The following TCF12 variants were observed in gnomAD, a reference collection of about 807,000 sequenced individuals.
TCF12 encodes the protein DNA-binding protein HTF4.
In TCF12, 45 loss-of-function variants were observed where a neutral mutation model predicts 86.0. The observed-to-expected ratio is 0.52, with a 90% CI of 0.41 to 0.67. The LOEUF is 0.67. Ranked by LOEUF, TCF12 falls within the 30% of genes least tolerant of loss-of-function variation. TCF12 has a pLI of 0.00. For synonymous variants in TCF12, 330 were observed against 299.6 expected, an observed-to-expected ratio of 1.10 and a Z score of -1.05; for missense variants, 881 against 859.9, an observed-to-expected ratio of 1.02 and a Z score of -0.31.
intron 5 of TCF12, among the ~76,000 whole-genome samples, chr15:57,136,527 G>A (rs562835322): frequency 1.2e-4 from 18 of 152,250 alleles, no homozygotes; most frequent in Admixed American, 9.1e-4. Flanking sequence ...TCCAAGGTAT[G>A]AAAAATAGCT....
intron 6 of TCF12, among the ~76,000 whole-genome samples, chr15:57,181,371 C>T (rs921045019): frequency 1.3e-5 from 2 of 152,090 alleles, no homozygotes; most frequent in Non-Finnish European, 2.9e-5. Context: ...ACTACAGGTG[C>T]ACATCACTGT....
intron 5 of TCF12, among the ~76,000 whole-genome samples, chr15:57,113,531 T>C (rs2050636687): frequency 6.6e-6 from 1 of 152,180 alleles, no homozygotes; most frequent in Non-Finnish European, 1.5e-5. Context: ...ACCTTTCTTT[T>C]GCTTCTTTTT....
intron 19 of TCF12, among the ~76,000 whole-genome samples, chr15:57,279,884 C>CTTT (rs34752903): frequency 0.038 from 3,744 of 98,004 alleles, 168 homozygotes; most frequent in East Asian, 0.23. Context: ...CACAGTCTCA[C>CTTT]TTTTTTTTTT....
At chr15:57,249,443 AT>A (rs2060008924) in intron 13 of TCF12, among the ~76,000 whole-genome samples, 1 of 151,900 alleles carries the variant, frequency 6.6e-6, no homozygotes, top group African/African-American at 2.4e-5. Flanking sequence ...TGAAGTGCAT[AT>A]TTTTTCTCAC....
chr15:57,112,490 A>G (rs181727736), intron 5 of TCF12, among the ~76,000 whole-genome samples: 1 of 152,298 alleles, frequency 6.6e-6, no homozygotes, highest in African/African-American at 2.4e-5. Flanking sequence ...CAAATGTTCA[A>G]GGAGAGGAGC....
intron 3 of TCF12, among the ~76,000 whole-genome samples, chr15:57,036,899 T>A (rs1372048742): frequency 1.3e-5 from 2 of 152,260 alleles, no homozygotes; most frequent in Admixed American, 6.5e-5. Flanking sequence ...GCAAATCCTA[T>A]ATTGTTTTCC....
intron 3 of TCF12, among the ~76,000 whole-genome samples, chr15:57,020,991 C>CT (rs1453128571): frequency 1.3e-5 from 2 of 152,034 alleles, no homozygotes; most frequent in Admixed American, 1.3e-4. Flanking sequence ...TTTTTTTAGA[C>CT]TTTATGTATG....
rs182917081 is a variant in TCF12 at position 57,086,587 on chromosome 15, T to C, written c.223-5202T>C. Among the ~76,000 whole-genome samples the C allele has an allele frequency of 2.2e-4, 33 of 151,998 alleles. No homozygotes were observed. The East Asian group carries it at 6.4e-3, about 29-fold the overall frequency. ...TTAATAAGTAGGAGCCGTGCAATGA[T>C]GGAGTGCTCACTGCTGTGGGAGCAC... On this transcript the variant is annotated intron_variant, in intron 4 of 20. Transcript: ENST00000333725.
intron 4 of TCF12, among the ~76,000 whole-genome samples, chr15:57,081,022 C>T (rs2070596184): frequency 1.3e-5 from 2 of 152,124 alleles, no homozygotes; most frequent in Admixed American, 1.3e-4. Flanking sequence ...GAGGTTTTTC[C>T]ATTTCCCATT....
chr15:57,175,318 G>A (rs924639152), intron 6 of TCF12, among the ~76,000 whole-genome samples: 10 of 152,070 alleles, frequency 6.6e-5, no homozygotes, highest in African/African-American at 2.4e-4. Flanking sequence ...TGATCATGCT[G>A]CTTCACTCCA....
At chr15:57,051,718 T>C (rs552606161) in intron 3 of TCF12, among the ~76,000 whole-genome samples, 20 of 152,336 alleles carry the variant, frequency 1.3e-4, no homozygotes, top group African/African-American at 4.8e-4. Flanking sequence ...CATTTAACCA[T>C]ATAGATTTGG....
At chr15:56,930,250 G>A (rs1378985124) in intron 3 of TCF12, among the ~76,000 whole-genome samples, 2 of 152,188 alleles carry the variant, frequency 1.3e-5, no homozygotes, top group Non-Finnish European at 2.9e-5. Flanking sequence ...GTTTTGAGGT[G>A]GTTGGGGATG....
At chr15:56,949,383 GT>G (rs1437676741) in intron 3 of TCF12, among the ~76,000 whole-genome samples, 1 of 152,152 alleles carries the variant, frequency 6.6e-6, no homozygotes, top group Non-Finnish European at 1.5e-5. Flanking sequence ...ACAGAGCATT[GT>G]TACACACATT....
intron 4 of TCF12, among the ~76,000 whole-genome samples, chr15:57,064,078 A>G (rs1194545073): frequency 1.3e-5 from 2 of 152,196 alleles, no homozygotes; most frequent in Non-Finnish European, 2.9e-5. Context: ...TAAAGAGCTT[A>G]GAATGCATAA....
At chr15:57,017,726 C>CTTTTTTT (rs34230192) in intron 3 of TCF12, among the ~76,000 whole-genome samples, 19 of 130,556 alleles carry the variant, frequency 1.5e-4, no homozygotes, top group Admixed American at 2.3e-4. Flanking sequence ...AATTTTCTTT[C>CTTTTTTT]TTTTTTTTTT....
chr15:57,084,839 A>T (rs7163267), intron 4 of TCF12, among the ~76,000 whole-genome samples: 2 of 151,924 alleles, frequency 1.3e-5, no homozygotes, highest in African/African-American at 4.8e-5. Context: ...TTGTACATTA[A>T]TGTGAATGTA....
intron 5 of TCF12, among the ~76,000 whole-genome samples, chr15:57,094,195 T>C (rs1302174146): frequency 6.6e-6 from 1 of 152,212 alleles, no homozygotes; most frequent in Non-Finnish European, 1.5e-5. Context: ...GCCCAGACCA[T>C]ACGTTTTATT....
intron 3 of TCF12, among the ~76,000 whole-genome samples, chr15:57,043,856 T>A (rs1448086637): frequency 1.3e-5 from 2 of 152,186 alleles, no homozygotes; most frequent in African/African-American, 4.8e-5. Context: ...AAGAAAAAAT[T>A]CAACTTTGCA....
Position 57,263,325 on chromosome 15 carries a change from C to A in TCF12, c.1745+51C>A, listed in dbSNP as rs7182038. 0.76 allele frequency: 1,192,198 copies of A among 1,570,194 alleles called. 454,065 individuals are homozygous for A. The highest frequency in any genetic ancestry group is 0.85 in the African/African-American group (61,961 of 72,766). On this transcript the variant is annotated intron_variant, in intron 18 of 20. Transcript: ENST00000333725. ...ATTTTATTCATTTTCCATAGGTAAA[C>A]ATACTTGAGAAGCTGGGTGTCATGC...
Sources: gnomAD v4.1 joint callset for allele counts (sites outside exome capture counted in the v4.1 genomes callset) on GRCh38, gnomAD v4.1.1 for gene constraint, MANE v1.5 for transcripts, NCBI Gene and HGNC (gene_info 2026-07-23, HGNC 2026-07-21) for gene names.